The following CBR4 variants were observed in gnomAD, a reference collection of about 807,000 sequenced individuals.
CBR4 encodes the protein carbonyl reductase 4.
A neutral mutation model predicts 21.0 loss-of-function variants in CBR4; 22 were observed. The observed-to-expected ratio is 1.05, with a 90% CI of 0.75 to 1.50. The LOEUF (loss-of-function observed/expected upper bound fraction) is 1.50, where lower values mean the gene tolerates loss of function less well. CBR4 is among the 40% of genes most tolerant of loss of function. The pLI is 0.00. For missense variants in CBR4, 302 were observed against 286.3 expected, an observed-to-expected ratio of 1.05 and a Z score of -0.40; for synonymous variants, 100 against 104.4, an observed-to-expected ratio of 0.96 and a Z score of 0.26.
At chr4:168,924,844 T>C in intron 2 of CBR4, 1 of 1,193,916 alleles carries the variant, frequency 8.4e-7, no homozygotes, top group South Asian at 1.2e-5. Context: ...ATCAGCTACT[T>C]GCACAATTCT....
intron 2 of CBR4, among the ~76,000 whole-genome samples, chr4:168,971,420 C>A (rs1376313404): frequency 6.6e-6 from 1 of 150,490 alleles, no homozygotes; most frequent in Admixed American, 6.7e-5. Flanking sequence ...CAGGCACACA[C>A]CACCATGCCC....
chr4:169,009,166 T>G (rs1488010124), intron 1 of CBR4: 2 of 411,264 alleles, frequency 4.9e-6, no homozygotes, highest in African/African-American at 4.2e-5. Flanking sequence ...GAAGTATAAT[T>G]TTGTCCATTC....
In CBR4 at chr4:168,898,561, T is replaced by C. The variant is rs961514057; in HGVS notation, n.170-3796A>G. ...TAGAGTACAGGCTAGAAAGGTCTCC[T>C]GTGGATGAATCAGGTGATGAAGTTC... On this transcript the variant is annotated intron_variant and non_coding_transcript_variant, in intron 2 of 3. Transcript: ENST00000509108. The C allele has an allele frequency of 6.2e-7, 1 of 1,613,972 alleles. No homozygotes were observed. Among genetic ancestry groups the C allele is most frequent in the South Asian group, 1.1e-5 (1 of 91,078 alleles).
At chr4:168,974,269 AGAAAACTGCT>A (rs1290905658) in intron 2 of CBR4, among the ~76,000 whole-genome samples, 1 of 152,216 alleles carries the variant, frequency 6.6e-6, no homozygotes, top group Non-Finnish European at 1.5e-5. Context: ...GTTTCTGCTG[AGAAAACTGCT>A]GGAAATCCGA....
Position 168,914,119 on chromosome 4 carries a change from T to C in CBR4, n.170-19354A>G. 5 of 794,384 alleles carry C rather than the reference T, an allele frequency of 6.3e-6. No homozygotes were observed. The South Asian group carries it at 7.3e-5, about 12-fold the overall frequency. The allele number at this position is 794,384 out of a possible 1,614,324, so 49.2% of individuals were successfully genotyped here. On this transcript the variant is annotated intron_variant and non_coding_transcript_variant, in intron 2 of 3. Coordinates refer to the CBR4 transcript ENST00000509108. ...CATCATATGACCACAAAAGTAAACATAACTGGAAGATAGAATAGGAATGCA... is the reference window on the plus strand; with the variant it reads ...CATCATATGACCACAAAAGTAAACACAACTGGAAGATAGAATAGGAATGCA...
intron 2 of CBR4, chr4:168,916,125 AATG>A: frequency 8.2e-7 from 1 of 1,221,246 alleles, no homozygotes; most frequent in South Asian, 1.2e-5. Flanking sequence ...TAAAGTATAA[AATG>A]AGAGCTGGGC....
At chr4:168,942,680 AACAG>A (rs1199927509) in intron 2 of CBR4, among the ~76,000 whole-genome samples, 1 of 152,190 alleles carries the variant, frequency 6.6e-6, no homozygotes, top group East Asian at 1.9e-4. Flanking sequence ...CAACACAGTG[AACAG>A]ACAACCTACA....
intron 2 of CBR4, among the ~76,000 whole-genome samples, chr4:168,942,703 G>A (rs1233536436): frequency 2.0e-5 from 3 of 152,128 alleles, no homozygotes; most frequent in Non-Finnish European, 4.4e-5. Context: ...CACAATGGAA[G>A]AAAATATCTG....
chr4:168,949,080 C>A (rs1380159595), intron 2 of CBR4, among the ~76,000 whole-genome samples: 1 of 152,116 alleles, frequency 6.6e-6, no homozygotes, highest in Non-Finnish European at 1.5e-5. Flanking sequence ...AGGTCTTTAG[C>A]CTCCTTGGTT....
At chr4:168,970,620 T>C (rs1421952519) in intron 2 of CBR4, among the ~76,000 whole-genome samples, 1 of 152,132 alleles carries the variant, frequency 6.6e-6, no homozygotes, top group African/African-American at 2.4e-5. Flanking sequence ...GTGTGTAGTC[T>C]TTTGTCCCTC....
At chr4:168,938,667 G>A (rs1054789528) in intron 2 of CBR4, among the ~76,000 whole-genome samples, 5 of 152,152 alleles carry the variant, frequency 3.3e-5, no homozygotes, top group Non-Finnish European at 7.4e-5. Flanking sequence ...TACCATCAGG[G>A]AATCCTATAA....
intron 2 of CBR4, among the ~76,000 whole-genome samples, chr4:168,980,433 A>G (rs1303970552): frequency 6.6e-6 from 1 of 152,204 alleles, no homozygotes; most frequent in Non-Finnish European, 1.5e-5. Flanking sequence ...GAAAACACAG[A>G]CAAGAATTCA....
chr4:168,910,167 G>GA lies in CBR4; in HGVS notation n.170-15403dup, dbSNP rs551034971. ...TCTAAGCAGTAGCAGCAAAAACCCT[G>GA]AAAACAGTGTAGAAATGTGTGACCT... On this transcript the variant is annotated intron_variant and non_coding_transcript_variant, in intron 2 of 3. Transcript: ENST00000509108. Among the ~76,000 whole-genome samples the GA allele has an allele frequency of 2.6e-3, 398 of 150,916 alleles. 2 individuals carry two copies. The highest frequency in any genetic ancestry group is 9.1e-3 in the African/African-American group (372 of 41,056).
chr4:168,914,224 G>GTT, intron 2 of CBR4: 1 of 583,940 alleles, frequency 1.7e-6, no homozygotes, highest in Non-Finnish European at 3.0e-6. Flanking sequence ...TCGCTAATGT[G>GTT]TGCTAAGCCC....
intron 2 of CBR4, among the ~76,000 whole-genome samples, chr4:168,947,795 T>A (rs1763433208): frequency 6.6e-6 from 1 of 152,180 alleles, no homozygotes; most frequent in Non-Finnish European, 1.5e-5. Flanking sequence ...GACATTTGGG[T>A]TGGTTCCACG....
At chr4:169,004,307 T>C (rs1056479751) in intron 3 of CBR4, among the ~76,000 whole-genome samples, 2 of 152,176 alleles carry the variant, frequency 1.3e-5, no homozygotes, top group Non-Finnish European at 2.9e-5. Flanking sequence ...GCATACTTAA[T>C]AGACCATAAT....
In CBR4 at chr4:168,903,809, C is replaced by T; in HGVS notation, n.170-9044G>A. 6.2e-7 allele frequency: 1 copy of T among 1,611,274 alleles called. No homozygotes were observed. Among genetic ancestry groups the T allele is most frequent in the Non-Finnish European group, 8.5e-7 (1 of 1,177,496 alleles). On this transcript the variant is annotated intron_variant and non_coding_transcript_variant, in intron 2 of 3. Transcript: ENST00000509108. ...ATCTCTCCAAAGAGTGATCACTACA[C>T]CATTCAAAGAGATCTCGATGGGACC...
In CBR4 at chr4:168,961,763, G is replaced by A. The variant is rs142225356; in HGVS notation, n.169+40308C>T. On this transcript the variant is annotated intron_variant and non_coding_transcript_variant, in intron 2 of 3. Transcript: ENST00000509108. ...AAATTAGCTGGCCATGGCGAAAGGCGCCTGTAATCCCAGCTACTCATGAAG... is the reference window on the plus strand; with the variant it reads ...AAATTAGCTGGCCATGGCGAAAGGCACCTGTAATCCCAGCTACTCATGAAG... 1.2e-4 allele frequency among the ~76,000 whole-genome samples: 19 copies of A among 152,234 alleles called. 1 individual carries two copies. The East Asian group carries it at 3.1e-3, about 25-fold the overall frequency.
At chr4:168,957,167 C>T (rs796114761) in intron 2 of CBR4, among the ~76,000 whole-genome samples, 10 of 152,216 alleles carry the variant, frequency 6.6e-5, no homozygotes, top group Admixed American at 3.3e-4. Flanking sequence ...AACACTACAT[C>T]GCCACCATTC....
Sources: allele counts gnomAD v4.1 joint callset (sites outside exome capture counted in the v4.1 genomes callset), GRCh38; gene constraint gnomAD v4.1.1; transcripts MANE v1.5; gene names NCBI Gene and HGNC (gene_info 2026-07-23, HGNC 2026-07-21).